OR52N4: variants seen among roughly 807,000 people sequenced by gnomAD.
The protein encoded by OR52N4 is olfactory receptor 52N4.
A neutral mutation model predicts 15.0 loss-of-function variants in OR52N4; 15 were observed. The ratio of observed to expected loss-of-function variants is 1.00; its 90% confidence interval spans 0.67 to 1.54. The LOEUF (loss-of-function observed/expected upper bound fraction) is 1.54, where lower values mean the gene tolerates loss of function less well. Among genes scored for constraint, OR52N4 ranks in the 40% most tolerant of loss-of-function variants. OR52N4 has a pLI of 0.00. For synonymous variants in OR52N4, 143 were observed against 143.7 expected, an observed-to-expected ratio of 1.00 and a Z score of 0.03; for missense variants, 421 against 394.0, an observed-to-expected ratio of 1.07 and a Z score of -0.58.
chr11:5,730,374 G>A, the OR52N4 span, among the ~76,000 whole-genome samples: 1 of 151,730 alleles, frequency 6.6e-6, no homozygotes, highest in South Asian at 2.1e-4. Context: ...TGTATTTTTT[G>A]TAGAGATGGG....
the OR52N4 span, chr11:5,736,861 C>G: frequency 6.2e-7 from 1 of 1,614,018 alleles, no homozygotes; most frequent in Non-Finnish European, 8.5e-7. Flanking sequence ...CCATTCACTT[C>G]TTTGTGGGCA....
chr11:5,742,128 A>C, the OR52N4 span, among the ~76,000 whole-genome samples: 1 of 152,070 alleles, frequency 6.6e-6, no homozygotes, highest in Non-Finnish European at 1.5e-5. Context: ...AGAGAGAAAG[A>C]AAGAAAAGAA....
the OR52N4 span, among the ~76,000 whole-genome samples, chr11:5,745,712 G>C: frequency 6.6e-6 from 1 of 151,768 alleles, no homozygotes; most frequent in East Asian, 1.9e-4. Flanking sequence ...AATTCACATG[G>C]AACCAAAAAA....
At chr11:5,736,881 G>T in the OR52N4 span, 1 of 1,613,970 alleles carries the variant, frequency 6.2e-7, no homozygotes, top group Non-Finnish European at 8.5e-7. Context: ...ATGGAGTCTG[G>T]TATCCTACTC....
chr11:5,749,177 T>C, the OR52N4 span, among the ~76,000 whole-genome samples: 198 of 152,122 alleles, frequency 1.3e-3, 1 homozygote, highest in Middle Eastern at 3.4e-3. Context: ...CTGGAGTAGA[T>C]TGCGTTTACA....
the OR52N4 span, chr11:5,737,108 T>A: frequency 6.2e-7 from 1 of 1,614,028 alleles, no homozygotes; most frequent in Non-Finnish European, 8.5e-7. Context: ...AAGCCTGGCT[T>A]GTGATGACAG....
At chr11:5,729,221 AC>A in the OR52N4 span, among the ~76,000 whole-genome samples, 1 of 142,748 alleles carries the variant, frequency 7.0e-6, no homozygotes, top group South Asian at 2.2e-4. Context: ...CCAGGCTCAC[AC>A]CATTCTCCTG....
the OR52N4 span, among the ~76,000 whole-genome samples, chr11:5,728,529 C>T: frequency 0.17 from 25,115 of 152,092 alleles, 2,251 homozygotes; most frequent in Admixed American, 0.27. Flanking sequence ...TTAGCATTTT[C>T]AATTTTGAGT....
At chr11:5,753,988 CAAAAAAAAAAAAAA>C (rs60504408), upstream of OR52N4, among the ~76,000 whole-genome samples, 8 of 79,712 alleles carry the variant, frequency 1.0e-4, no homozygotes, top group South Asian at 1.2e-3. Context: ...GACTCTGCCT[CAAAAAAAAAAAAAA>C]AAAAAAAAAA....
the OR52N4 span, among the ~76,000 whole-genome samples, chr11:5,745,849 C>T: frequency 6.6e-6 from 1 of 152,116 alleles, no homozygotes; most frequent in African/African-American, 2.4e-5. Context: ...CATTACTTGA[C>T]TTCAACTACA....
chr11:5,735,770 A>C, the OR52N4 span, among the ~76,000 whole-genome samples: 1 of 152,154 alleles, frequency 6.6e-6, no homozygotes, highest in Non-Finnish European at 1.5e-5. Context: ...TTCCTTCAAC[A>C]TTATGGACAA....
chr11:5,746,885 A>G, the OR52N4 span, among the ~76,000 whole-genome samples: 1 of 152,090 alleles, frequency 6.6e-6, no homozygotes, highest in Admixed American at 6.6e-5. Context: ...TATTCATAAT[A>G]GCAAAGATAG....
upstream of OR52N4, among the ~76,000 whole-genome samples, chr11:5,753,163 T>A (rs1186810748): frequency 6.6e-6 from 1 of 152,170 alleles, no homozygotes; most frequent in Non-Finnish European, 1.5e-5. Flanking sequence ...GAAATGGCAA[T>A]GGTGGTCATG....
At chr11:5,735,081 T>C in the OR52N4 span, among the ~76,000 whole-genome samples, 1 of 152,040 alleles carries the variant, frequency 6.6e-6, no homozygotes, top group South Asian at 2.1e-4. Flanking sequence ...TAACAATAAT[T>C]ATATCAAAAA....
At chr11:5,726,960 G>A in the OR52N4 span, 13 of 154,074 alleles carry the variant, frequency 8.4e-5, no homozygotes. Flanking sequence ...GCTGTAGTGC[G>A]AGGCTCCCTG....
the OR52N4 span, chr11:5,736,266 T>A: frequency 6.3e-6 from 3 of 477,056 alleles, no homozygotes; most frequent in East Asian, 7.5e-5. Flanking sequence ...CTTGAAATGA[T>A]GTAGCTATAA....
chr11:5,751,198 G>C (rs1190744639), upstream of OR52N4, among the ~76,000 whole-genome samples: 1 of 150,700 alleles, frequency 6.6e-6, no homozygotes, highest in Non-Finnish European at 1.5e-5. Flanking sequence ...AAAATATTAT[G>C]TTTGTATATA....
the OR52N4 span, among the ~76,000 whole-genome samples, chr11:5,747,070 A>C: frequency 8.0e-6 from 1 of 124,414 alleles, no homozygotes; most frequent in African/African-American, 3.0e-5. Context: ...GTCTGTAGTA[A>C]AAATACCAAA....
At chr11:5,736,509 G>A in the OR52N4 span, 8 of 1,612,346 alleles carry the variant, frequency 5.0e-6, no homozygotes, top group South Asian at 8.8e-5. Flanking sequence ...TGAAATTCAT[G>A]TTGAATCATG....
Sources: allele counts gnomAD v4.1 joint callset (sites outside exome capture counted in the v4.1 genomes callset), GRCh38; gene constraint gnomAD v4.1.1; transcripts MANE v1.5; gene names NCBI Gene and HGNC (gene_info 2026-07-23, HGNC 2026-07-21).